The following PRLR variants were observed in gnomAD, a reference collection of about 807,000 sequenced individuals.
PRLR encodes the protein prolactin receptor, also known as hPRL receptor.
A neutral mutation model predicts 40.2 loss-of-function variants in PRLR; 13 were observed. The ratio of observed to expected loss-of-function variants is 0.32; its 90% confidence interval spans 0.21 to 0.51. The LOEUF (loss-of-function observed/expected upper bound fraction) is 0.51, where lower values mean the gene tolerates loss of function less well. PRLR is among the 20% of genes least tolerant of loss of function. The pLI, the probability that PRLR is intolerant of heterozygous loss-of-function variation, is 0.97. For missense variants in PRLR, 656 were observed against 747.3 expected, an observed-to-expected ratio of 0.88 and a Z score of 1.42; for synonymous variants, 269 against 278.7, an observed-to-expected ratio of 0.97 and a Z score of 0.35.
At chr5:35,125,255 C>T (rs938117445) in intron 1 of PRLR, among the ~76,000 whole-genome samples, 2 of 152,120 alleles carry the variant, frequency 1.3e-5, no homozygotes, top group Non-Finnish European at 2.9e-5. Context: ...AATTGGCCAA[C>T]GATCATCTTG....
At position 35,065,876 on chromosome 5, in the gene PRLR, G is replaced by C; in HGVS notation, c.1082C>G (p.Ser361Cys). 1 of 1,614,108 alleles carries C rather than the reference G, an allele frequency of 6.2e-7. No individual in the cohort carries two copies. The highest frequency in any genetic ancestry group is 8.5e-7 in the Non-Finnish European group (1 of 1,180,026). The change falls in exon 10 of 10, where the codon TCT becomes TGT. Residue 361 changes from serine to cysteine, a missense_variant. Ser to Cys is a moderately radical substitution (Grantham distance 112). Transcript: ENST00000618457. ...GGCCTGGGGTTCCTCACACTTTTCA[G>C]ACAAAAGGGAAGGGCTGTCACAGCT... ...RGSCDSPSLLSEKCEEPQANP... is the reference protein window; with the variant it reads ...RGSCDSPSLLCEKCEEPQANP...
intron 1 of PRLR, among the ~76,000 whole-genome samples, chr5:35,168,729 A>G (rs1391941069): frequency 6.6e-6 from 1 of 152,198 alleles, no homozygotes; most frequent in Non-Finnish European, 1.5e-5. Context: ...AACAAAAATC[A>G]TGGAAGAATT....
chr5:35,183,107 G>A (rs189911612), intron 1 of PRLR, among the ~76,000 whole-genome samples: 4 of 152,340 alleles, frequency 2.6e-5, no homozygotes, highest in Admixed American at 2.6e-4. Context: ...TAGCCGTGGT[G>A]TGAACACATC....
chr5:35,117,146 T>C (rs756584377), intron 2 of PRLR, among the ~76,000 whole-genome samples: 1 of 152,086 alleles, frequency 6.6e-6, no homozygotes. Flanking sequence ...CCAGAATGCC[T>C]ACACTGTTGT....
chr5:35,195,834 C>G (rs1440544470), intron 1 of PRLR: 5 of 152,288 alleles, frequency 3.3e-5, no homozygotes, highest in South Asian at 2.1e-4. Context: ...CAGTTGGTTC[C>G]AGGGGCTGGA....
intron 1 of PRLR, among the ~76,000 whole-genome samples, chr5:35,129,799 T>C (rs1010306184): frequency 4.0e-5 from 6 of 151,874 alleles, no homozygotes; most frequent in African/African-American, 1.4e-4. Flanking sequence ...TGCCAAGCAG[T>C]AGGGTGGGAG....
rs552267567 is a variant in PRLR at position 35,064,308 on chromosome 5, T to G, written c.*781A>C. The G allele has an allele frequency of 2.0e-5, 3 of 152,154 alleles. No individual in the cohort carries two copies. The highest frequency in any genetic ancestry group is 2.9e-5 in the Non-Finnish European group (2 of 68,008). 9.4% of individuals were successfully genotyped at this position (152,154 alleles called of 1,614,324 possible). On this transcript the variant is annotated 3_prime_UTR_variant, in exon 10 of 10. Coordinates refer to ENST00000618457, the MANE Select transcript of PRLR (RefSeq NM_000949.7). ...AGTCTTTAGGGAATTTTTTTTTAAC[T>G]AAGGAAAGACTAAGGTGTATAATAA...
At chr5:35,110,919 C>A (rs1462736589) in intron 2 of PRLR, among the ~76,000 whole-genome samples, 2 of 152,190 alleles carry the variant, frequency 1.3e-5, no homozygotes, top group Non-Finnish European at 2.9e-5. Context: ...CTGGATCATG[C>A]CCTGTCTACA....
At chr5:35,208,181 A>G (rs1350672478) in intron 1 of PRLR, among the ~76,000 whole-genome samples, 5 of 150,616 alleles carry the variant, frequency 3.3e-5, no homozygotes, top group East Asian at 1.9e-4. Flanking sequence ...GCGCGCGCAC[A>G]CACACACACA....
At chr5:35,124,320 C>T (rs774586025) in intron 1 of PRLR, among the ~76,000 whole-genome samples, 14 of 150,832 alleles carry the variant, frequency 9.3e-5, no homozygotes, top group East Asian at 2.0e-4. Flanking sequence ...TAGATTGCTA[C>T]GGCCAAGGAT....
At chr5:35,116,755 G>C (rs1183090132) in intron 2 of PRLR, among the ~76,000 whole-genome samples, 1 of 152,160 alleles carries the variant, frequency 6.6e-6, no homozygotes, top group Non-Finnish European at 1.5e-5. Flanking sequence ...ATGCTGTGGG[G>C]CACTCTTGTA....
At chr5:35,132,978 GC>G (rs1456823458) in intron 1 of PRLR, among the ~76,000 whole-genome samples, 12 of 152,194 alleles carry the variant, frequency 7.9e-5, no homozygotes, top group Admixed American at 7.2e-4. Context: ...ATGTGGGTGG[GC>G]TTTATCTAAT....
intron 1 of PRLR, among the ~76,000 whole-genome samples, chr5:35,161,505 A>G (rs1301933339): frequency 1.3e-5 from 2 of 152,054 alleles, no homozygotes; most frequent in Non-Finnish European, 2.9e-5. Context: ...AAAAATCACA[A>G]CTCTATCCAC....
chr5:35,129,646 A>T (rs754028143), intron 1 of PRLR, among the ~76,000 whole-genome samples: 2 of 151,362 alleles, frequency 1.3e-5, no homozygotes, highest in Non-Finnish European at 2.9e-5. Context: ...CACTGTAGTG[A>T]TAGGTTTTAA....
chr5:35,120,305 G>C (rs73767518), intron 1 of PRLR, among the ~76,000 whole-genome samples: 8,488 of 152,136 alleles, frequency 0.056, 810 homozygotes, highest in African/African-American at 0.19. Context: ...ATGCAGATAG[G>C]GGGGTGACAA....
intron 1 of PRLR, among the ~76,000 whole-genome samples, chr5:35,152,239 AT>A (rs749818836): frequency 6.6e-6 from 1 of 152,094 alleles, no homozygotes; most frequent in Non-Finnish European, 1.5e-5. Context: ...AATTTTTACT[AT>A]TTTATCCAGG....
Position 35,064,860 on chromosome 5 carries a change from T to C in PRLR, c.*229A>G, listed in dbSNP as rs1769252527. On this transcript the variant is annotated 3_prime_UTR_variant, in exon 10 of 10. Coordinates refer to ENST00000618457, the MANE Select transcript of PRLR (RefSeq NM_000949.7). ...TGCTTTTATTTCATTGAACACATAG[T>C]TTTATAACTAACAGCAAAAAGTAAA... The C allele has an allele frequency of 9.1e-6, 5 of 551,054 alleles. No homozygotes were observed. Among genetic ancestry groups the C allele is most frequent in the Non-Finnish European group, 1.6e-5 (5 of 316,480 alleles). 34.1% of individuals were successfully genotyped at this position (551,054 alleles called of 1,614,324 possible). A position where few individuals can be genotyped will look rare whatever the true frequency, so the allele number is the denominator to read the frequency against.
chr5:35,124,433 C>G (rs892580549), intron 1 of PRLR, among the ~76,000 whole-genome samples: 4 of 152,078 alleles, frequency 2.6e-5, no homozygotes, highest in African/African-American at 7.2e-5. Flanking sequence ...ATCAGGGCTA[C>G]AAGACCAGAA....
Position 35,086,216 on chromosome 5 carries a change from GT to G in PRLR, c.194del (p.His65ProfsTer15). 1 of 1,613,942 alleles carries G rather than the reference GT, an allele frequency of 6.2e-7. No individual in the cohort carries two copies. Among genetic ancestry groups the G allele is most frequent in the Non-Finnish European group, 8.5e-7 (1 of 1,179,904 alleles). ...GLPTNYSLTY[H>X]REGETLMHEC... is the part of the protein sequence containing the mutation. ...AGAAGGGAACTTCTTACCCTTCCCT[GT>G]GGTAAGTCAGTGAATAATTGGTAGG... is the stretch of plus-strand genomic sequence containing the variant. On this transcript the variant is annotated frameshift_variant, in exon 4 of 10. Transcript: ENST00000618457. LOFTEE classifies it high-confidence loss of function.
Sources: gnomAD v4.1 joint callset for allele counts (sites outside exome capture counted in the v4.1 genomes callset) on GRCh38, gnomAD v4.1.1 for gene constraint, MANE v1.5 for transcripts, NCBI Gene and HGNC (gene_info 2026-07-23, HGNC 2026-07-21) for gene names.